Variants in TEX10 observed in about 807,000 individuals in gnomAD.
TEX10 encodes testis expressed 10, also known as testis-expressed protein 10.
TEX10 carries 24 observed loss-of-function variants against 104.4 expected under a neutral mutation model. That is an observed-to-expected ratio of 0.23 (90% CI 0.17 to 0.32). TEX10 has a LOEUF of 0.32. TEX10 is among the 10% of genes least tolerant of loss of function. The probability of loss-of-function intolerance (pLI) is 1.00; values close to 1 mark genes in which losing one functional copy is unlikely to be tolerated. For missense variants in TEX10, 921 were observed against 1,083.9 expected, an observed-to-expected ratio of 0.85 and a Z score of 2.11; for synonymous variants, 396 against 393.4, an observed-to-expected ratio of 1.01 and a Z score of -0.08.
chr9:100,349,055 C>T, intron 2 of TEX10, 129 bp downstream of exon 2: 1 of 648,482 alleles, frequency 1.5e-6, no homozygotes, highest in Non-Finnish European at 2.2e-6. Context: ...AAACTCCAAA[C>T]ATCAATAAAC....
Position 100,302,178 on chromosome 9 carries a change from T to C in TEX10, c.*13A>G, listed in dbSNP as rs1206661668. On this transcript the variant is annotated 3_prime_UTR_variant, in exon 15 of 15. Transcript: ENST00000374902. The stretch of plus-strand genomic sequence containing the variant: ...TGAATAAACAACTTCAAACAGGAGG[T>C]ACTATGGCCTCTTCAATACACTGTA... 5 of 1,467,876 alleles carry C rather than the reference T, an allele frequency of 3.4e-6. No homozygotes were observed. The highest frequency in any genetic ancestry group is 4.7e-6 in the Non-Finnish European group (5 of 1,073,802). The allele number at this position is 1,467,876 out of a possible 1,614,324, so 90.9% of individuals were successfully genotyped here. A position where few individuals can be genotyped will look rare whatever the true frequency, so the allele number is the denominator to read the frequency against.
chr9:100,302,520 T>C (rs1834014627), intron 14 of TEX10, among the ~76,000 whole-genome samples: 1 of 152,194 alleles, frequency 6.6e-6, no homozygotes, highest in African/African-American at 2.4e-5. Flanking sequence ...TGCTAATGGT[T>C]TCTTGTTAAG....
chr9:100,342,239 T>A (rs548524425), intron 4 of TEX10, among the ~76,000 whole-genome samples: 1 of 152,350 alleles, frequency 6.6e-6, no homozygotes, highest in Admixed American at 6.5e-5. Context: ...TGACAACCTA[T>A]CTAAAATAGC....
Position 100,315,608 on chromosome 9 carries a change from G to A in TEX10, c.2202+4657C>T, listed in dbSNP as rs1451294342. Among the ~76,000 whole-genome samples, 12 of 152,046 alleles carry A rather than the reference G, an allele frequency of 7.9e-5. 1 individual carries two copies. Among genetic ancestry groups the A allele is most frequent in the Admixed American group, 7.9e-4 (12 of 15,278 alleles). Reference sequence around the variant, plus strand: ...AGTATAGCTACTCCTGCTCACTTGTGGTTTGTTTGTATGAGTATCTTTTAC... The same window carrying A: ...AGTATAGCTACTCCTGCTCACTTGTAGTTTGTTTGTATGAGTATCTTTTAC... On this transcript the variant is annotated intron_variant, in intron 11 of 14. Transcript: ENST00000374902.
intron 11 of TEX10, among the ~76,000 whole-genome samples, chr9:100,314,497 C>T (rs1161110960): frequency 2.0e-5 from 3 of 152,086 alleles, no homozygotes; most frequent in African/African-American, 7.2e-5. Context: ...GGAATTTATC[C>T]ATTTTCCCTC....
At chr9:100,332,543 C>T (rs916441695) in intron 5 of TEX10, among the ~76,000 whole-genome samples, 3 of 152,134 alleles carry the variant, frequency 2.0e-5, no homozygotes, top group African/African-American at 7.2e-5. Context: ...CAAAACAGGC[C>T]GGGCGCAGTG....
chr9:100,350,883 G>A (rs1835423246), intron 1 of TEX10, among the ~76,000 whole-genome samples: 1 of 152,184 alleles, frequency 6.6e-6, no homozygotes. Flanking sequence ...TCTACAACCA[G>A]ATTGATTAGG....
chr9:100,326,903 C>G (rs1219779272), intron 8 of TEX10, among the ~76,000 whole-genome samples: 1 of 152,020 alleles, frequency 6.6e-6, no homozygotes, highest in Non-Finnish European at 1.5e-5. Context: ...ATATTTAAAA[C>G]TACAACCCAC....
chr9:100,342,206 A>G (rs979491412), intron 4 of TEX10, among the ~76,000 whole-genome samples: 1 of 152,210 alleles, frequency 6.6e-6, no homozygotes, highest in African/African-American at 2.4e-5. Context: ...TGACATTCAG[A>G]TATCTTATTC....
chr9:100,350,645 G>C (rs969425994), intron 1 of TEX10, among the ~76,000 whole-genome samples: 6 of 152,112 alleles, frequency 3.9e-5, no homozygotes, highest in African/African-American at 1.4e-4. Flanking sequence ...TAATTATCCT[G>C]TGCCTGGCCA....
chr9:100,312,815 G>A (rs190762846), intron 11 of TEX10, among the ~76,000 whole-genome samples: 221 of 152,166 alleles, frequency 1.5e-3, no homozygotes, highest in Non-Finnish European at 2.4e-3. Context: ...TAAAATAAAC[G>A]TAAGATTTCA....
At chr9:100,340,468 T>C in intron 4 of TEX10, 99 bp from the exon 5 acceptor site, 1 of 691,888 alleles carries the variant, frequency 1.4e-6, no homozygotes, top group Non-Finnish European at 2.4e-6. Flanking sequence ...AAATGTCCCA[T>C]CATAATTCAC....
At position 100,303,764 on chromosome 9, in the gene TEX10, C is replaced by T. The variant is rs756094959; in HGVS notation, c.2544G>A (p.Arg848=). 59 of 1,613,922 alleles carry T rather than the reference C, an allele frequency of 3.7e-5. No individual in the cohort carries two copies. The highest frequency in any genetic ancestry group is 4.8e-5 in the Non-Finnish European group (57 of 1,180,022). Residue 848 remains arginine, a synonymous_variant, in exon 14 of 15, where the codon CGG becomes CGA. Transcript: ENST00000374902. ...GCTCCTCAGGCCCAACTCTGTTCAC[C>T]CGCAGGCTCTGCAGCATCAACCTGA... is the stretch of plus-strand genomic sequence containing the variant. ...RVLRLMLQSL[R]VNRVGPEELP... is the part of the protein sequence containing the mutation.
intron 2 of TEX10, among the ~76,000 whole-genome samples, chr9:100,348,245 T>C (rs139449945): frequency 2.2e-4 from 34 of 152,334 alleles, no homozygotes; most frequent in African/African-American, 8.2e-4. Context: ...AGAGGTAGAT[T>C]AGTGATTGCC....
chr9:100,349,143 A>G (rs1835375874), intron 2 of TEX10, 41 bp downstream of exon 2: 1 of 1,484,560 alleles, frequency 6.7e-7, no homozygotes, highest in Non-Finnish European at 9.0e-7. Context: ...ACACGATTCC[A>G]AAGAAAATCT....
rs371333521 is a variant in TEX10, at chr9:100,319,675, G to T, written c.2202+590C>A. ...CAAAAAATTAGCCAGGTGCAGTGGC[G>T]CCTGCCTGTAATCCCAGCTACTTGG... is the stretch of plus-strand genomic sequence containing the variant. On this transcript the variant is annotated intron_variant, in intron 11 of 14. Transcript: ENST00000374902. Among the ~76,000 whole-genome samples, 89 of 151,890 alleles carry T rather than the reference G, an allele frequency of 5.9e-4. No homozygotes were observed. The East Asian group carries it at 0.016, about 27-fold the overall frequency.
rs1587745238 is a variant in TEX10, at chr9:100,347,541, T to G, written c.181-135A>C. 14 of 585,900 alleles carry G rather than the reference T, an allele frequency of 2.4e-5. No individual in the cohort carries two copies. The East Asian group carries it at 4.3e-4, about 18-fold the overall frequency. The allele number at this position is 585,900 out of a possible 1,614,324, so 36.3% of individuals were successfully genotyped here. On this transcript the variant is annotated intron_variant, in intron 2 of 14. Transcript: ENST00000374902. ...GCTTCAATAAGTACTTTTTAAATGT[T>G]ATTTAGCTTTTGTTAGGATCAGAAA... is the stretch of plus-strand genomic sequence containing the variant.
chr9:100,352,524 C>A (rs1382866259), intron 1 of TEX10: 1 of 1,550,038 alleles, frequency 6.5e-7, no homozygotes, highest in Non-Finnish European at 8.7e-7. Context: ...AAAACTCTCT[C>A]GGACCCGAAA....
intron 8 of TEX10, 48 bp from the exon 9 acceptor site, chr9:100,326,527 A>C: frequency 4.5e-6 from 7 of 1,542,704 alleles, no homozygotes; most frequent in Non-Finnish European, 6.1e-6. Context: ...AAGACATGCA[A>C]ACCAGAGATT....
Sources: allele counts gnomAD v4.1 joint callset (sites outside exome capture counted in the v4.1 genomes callset), GRCh38; gene constraint gnomAD v4.1.1; transcripts MANE v1.5; gene names NCBI Gene and HGNC (gene_info 2026-07-23, HGNC 2026-07-21).